SCAF8: variants seen among roughly 807,000 people sequenced by gnomAD.
SCAF8 encodes SR-related CTD associated factor 8.
A neutral mutation model predicts 140.5 loss-of-function variants in SCAF8; 23 were observed. That is an observed-to-expected ratio of 0.16 (90% confidence interval 0.12 to 0.23). The LOEUF is 0.23. Among genes scored for constraint, SCAF8 ranks in the 10% least tolerant of loss-of-function variants. The probability of loss-of-function intolerance (pLI) is 1.00; values close to 1 mark genes in which losing one functional copy is unlikely to be tolerated. For synonymous variants in SCAF8, 575 were observed against 528.9 expected, an observed-to-expected ratio of 1.09 and a Z score of -1.20; for missense variants, 1,397 against 1,555.7, an observed-to-expected ratio of 0.90 and a Z score of 1.72.
At chr6:154,826,841 G>A (rs956777532) in intron 17 of SCAF8, among the ~76,000 whole-genome samples, 4 of 152,068 alleles carry the variant, frequency 2.6e-5, no homozygotes, top group East Asian at 1.9e-4. Context: ...GTAAACACAC[G>A]TATCAAATAA....
chr6:154,820,146 CT>C, intron 14 of SCAF8, 30 bp from the exon 15 acceptor site: 1 of 1,533,240 alleles, frequency 6.5e-7, no homozygotes, highest in Non-Finnish European at 8.7e-7. Context: ...TATGTATAAC[CT>C]TTCTTTTTTC....
intron 1 of SCAF8, among the ~76,000 whole-genome samples, chr6:154,770,105 C>G (rs1479628174): frequency 6.6e-6 from 1 of 152,182 alleles, no homozygotes; most frequent in African/African-American, 2.4e-5. Context: ...GAGTTTGACA[C>G]AGATCTTAAC....
At position 154,822,357 on chromosome 6, in the gene SCAF8, C is replaced by T. The variant is rs1778443510; in HGVS notation, c.1874C>T (p.Thr625Ile). The T allele has an allele frequency of 1.2e-6, 2 of 1,613,580 alleles. No homozygotes were observed. Among genetic ancestry groups the T allele is most frequent in the Admixed American group, 3.3e-5 (2 of 59,998 alleles). ...AGCCCAACTCCAGTTGAAAAGGAGA[C>T]AGTGGTCACAACCCAGGCAGAGGTT... Reference protein sequence around the residue: ...TQSPTPVEKETVVTTQAEVFP... With the variant: ...TQSPTPVEKEIVVTTQAEVFP... Residue 625 changes from threonine (T) to isoleucine (I), a missense_variant, in exon 16 of 20, where the codon ACA (threonine) becomes ATA (isoleucine). By Grantham distance (89) the Thr-to-Ile change is moderately conservative (BLOSUM62 -1). Transcript: ENST00000367178.
At chr6:154,746,497 G>T (rs535323999) in intron 1 of SCAF8, among the ~76,000 whole-genome samples, 1 of 152,062 alleles carries the variant, frequency 6.6e-6, no homozygotes, top group South Asian at 2.1e-4. Context: ...TTCAATTCCA[G>T]TCAAACACAG....
In SCAF8 at chr6:154,805,439, C is replaced by T. The variant is rs1222728920; in HGVS notation, c.934C>T (p.Leu312=). ...QIAEQLQQQN[L]EHLRQQLLEQ... ...AGCAGAACAACTACAACAGCAAAAC[C>T]TAGAACATCTCAGACAGCAGCTCTT... Residue 312 remains leucine, a synonymous_variant, in exon 9 of 20, where the codon CTA becomes TTA. Transcript: ENST00000367178. 3 of 1,612,030 alleles carry T rather than the reference C, an allele frequency of 1.9e-6. No homozygotes were observed. Among genetic ancestry groups the T allele is most frequent in the African/African-American group, 1.3e-5 (1 of 74,956 alleles).
At chr6:154,768,222 C>T (rs1776637665) in intron 1 of SCAF8, among the ~76,000 whole-genome samples, 1 of 152,152 alleles carries the variant, frequency 6.6e-6, no homozygotes, top group Non-Finnish European at 1.5e-5. Flanking sequence ...ACCTACTATA[C>T]ATATCAAGCA....
intron 5 of SCAF8, among the ~76,000 whole-genome samples, chr6:154,794,195 G>T (rs549805545): frequency 6.6e-6 from 1 of 152,118 alleles, no homozygotes; most frequent in Non-Finnish European, 1.5e-5. Context: ...CTCTGAAAGT[G>T]TTGGGATTAC....
At chr6:154,796,389 C>CTCTCTCTCTCTGTCCG (rs376622207) in intron 6 of SCAF8, among the ~76,000 whole-genome samples, 2 of 140,968 alleles carry the variant, frequency 1.4e-5, no homozygotes, top group African/African-American at 5.5e-5. Context: ...CTCTCTCTCT[C>CTCTCTCTCTCTGTCCG]TCTGTCTCTC....
At chr6:154,765,584 C>T (rs1270958808) in intron 1 of SCAF8, among the ~76,000 whole-genome samples, 2 of 152,130 alleles carry the variant, frequency 1.3e-5, no homozygotes, top group African/African-American at 4.8e-5. Context: ...ATAAACATAT[C>T]AGCAAGATCC....
chr6:154,749,203 A>C (rs969195294), intron 1 of SCAF8, among the ~76,000 whole-genome samples: 1 of 152,174 alleles, frequency 6.6e-6, no homozygotes, highest in South Asian at 2.1e-4. Flanking sequence ...AGCCTCCCAA[A>C]GTGGTGGGAT....
intron 2 of SCAF8, among the ~76,000 whole-genome samples, chr6:154,776,659 T>C (rs924375751): frequency 1.3e-5 from 2 of 152,250 alleles, no homozygotes; most frequent in Non-Finnish European, 2.9e-5. Flanking sequence ...CTTTAGTTGT[T>C]TTGGCTTTTT....
intron 18 of SCAF8, among the ~76,000 whole-genome samples, chr6:154,830,247 T>C (rs1434868058): frequency 6.6e-6 from 1 of 152,248 alleles, no homozygotes; most frequent in Admixed American, 6.5e-5. Flanking sequence ...TAATCTAGAG[T>C]TACATATGAA....
chr6:154,832,223 C>T lies in SCAF8; in HGVS notation c.2644C>T (p.Leu882Phe). The T allele has an allele frequency of 1.2e-6, 2 of 1,614,074 alleles. No homozygotes were observed. Among genetic ancestry groups the T allele is most frequent in the Non-Finnish European group, 1.7e-6 (2 of 1,179,982 alleles). The change falls in exon 20 of 20, where the codon CTT (leucine) becomes TTT (phenylalanine). Residue 882 changes from leucine to phenylalanine, a missense_variant. By Grantham distance (22) the Leu-to-Phe change is conservative. Around this residue, in one of 5 missense-constraint regions of SCAF8, gnomAD observed 930 missense variants for 874.6 expected, o/e 1.06. Transcript: ENST00000367178. The part of the protein sequence containing the change: ...LPPNIPNNSG[L>F]VGVQPPNVPN... ...CCCAAATATACCTAACAATTCTGGA[C>T]TTGTAGGAGTACAGCCACCAAATGT...
At chr6:154,812,792 G>T (rs1000516113) in intron 12 of SCAF8, among the ~76,000 whole-genome samples, 5 of 152,122 alleles carry the variant, frequency 3.3e-5, no homozygotes, top group African/African-American at 1.2e-4. Context: ...GAAAATAATG[G>T]AGTTTCCTAT....
Position 154,818,518 on chromosome 6 carries a change from C to G in SCAF8, c.1561C>G (p.His521Asp), listed in dbSNP as rs1272748719. The G allele has an allele frequency of 6.2e-7, 1 of 1,609,572 alleles. No homozygotes were observed. The highest frequency in any genetic ancestry group is 1.3e-5 in the African/African-American group (1 of 74,600). Residue 521 changes from histidine to aspartate, a missense_variant, in exon 14 of 20, where the codon CAT becomes GAT. Coordinates refer to ENST00000367178, the MANE Select transcript of SCAF8 (RefSeq NM_014892.5). Reference sequence around the variant, plus strand: ...GGGCTGTGCTTATGTCTGCATGGTTCATCGACAAGATGCATTTCGAGCTCT... The same window carrying G: ...GGGCTGTGCTTATGTCTGCATGGTTGATCGACAAGATGCATTTCGAGCTCT... ...PRGCAYVCMVHRQDAFRALQK... is the reference protein window; with the variant it reads ...PRGCAYVCMVDRQDAFRALQK...
intron 12 of SCAF8, among the ~76,000 whole-genome samples, chr6:154,812,456 G>A (rs1291973493): frequency 6.6e-6 from 1 of 151,998 alleles, no homozygotes; most frequent in Non-Finnish European, 1.5e-5. Context: ...ACCTTACTGT[G>A]ATATCTGCTT....
intron 1 of SCAF8, among the ~76,000 whole-genome samples, chr6:154,752,831 C>T (rs113706335): frequency 1.3e-5 from 2 of 152,144 alleles, no homozygotes; most frequent in African/African-American, 4.8e-5. Context: ...AAGTGATTCT[C>T]CTGCCTCAGC....
chr6:154,815,585 T>C (rs904328835), intron 12 of SCAF8, 131 bp from the exon 13 acceptor site: 2 of 388,552 alleles, frequency 5.1e-6, no homozygotes, highest in African/African-American at 2.0e-5. Context: ...CAAGTGTTCA[T>C]TGACAATTAT....
intron 3 of SCAF8, among the ~76,000 whole-genome samples, chr6:154,780,354 C>CTTTT (rs74777379): frequency 7.4e-6 from 1 of 135,460 alleles, no homozygotes. Flanking sequence ...TAGTTCCTTC[C>CTTTT]TTTTTTTTTT....
Sources: gnomAD v4.1 joint callset for allele counts (sites outside exome capture counted in the v4.1 genomes callset) on GRCh38, gnomAD v4.1.1 for gene constraint, gnomAD v4.1.1 regional missense constraint, MANE v1.5 for transcripts, NCBI Gene and HGNC (gene_info 2026-07-23, HGNC 2026-07-21) for gene names.